The following GLG1 variants were observed in gnomAD, a reference collection of about 807,000 sequenced individuals.
GLG1 encodes Golgi apparatus protein 1.
In GLG1, 38 loss-of-function variants were observed where a neutral mutation model predicts 160.5. That is an observed-to-expected ratio of 0.24 (90% CI 0.18 to 0.31). GLG1 has a LOEUF of 0.31. Ranked by LOEUF, GLG1 falls within the 10% of genes least tolerant of loss-of-function variation. The pLI is 1.00. For missense variants in GLG1, 1,373 were observed against 1,505.2 expected, an observed-to-expected ratio of 0.91 and a Z score of 1.45; for synonymous variants, 644 against 543.4, an observed-to-expected ratio of 1.19 and a Z score of -2.57.
intron 2 of GLG1, among the ~76,000 whole-genome samples, chr16:74,522,211 A>G (rs2017186508): frequency 6.6e-6 from 1 of 152,258 alleles, no homozygotes; most frequent in Non-Finnish European, 1.5e-5. Context: ...CCTTTTACTC[A>G]TAGGGCTGTT....
chr16:74,541,161 T>C (rs995584264), intron 1 of GLG1, among the ~76,000 whole-genome samples: 10 of 151,894 alleles, frequency 6.6e-5, no homozygotes, highest in Admixed American at 2.6e-4. Context: ...CTGTCTCTAC[T>C]AAAAATACAA....
At chr16:74,567,902 TCCTGGCTTTCTTTTGGGGATTCAC>T (rs764734803) in intron 1 of GLG1, among the ~76,000 whole-genome samples, 46 of 152,200 alleles carry the variant, frequency 3.0e-4, no homozygotes, top group Non-Finnish European at 5.7e-4. Flanking sequence ...TTCTCTAGCC[TCCTGGCTTTCTTTTGGGGATTCAC>T]CCAACTCTGT....
chr16:74,584,415 T>C (rs1958001410), intron 1 of GLG1, among the ~76,000 whole-genome samples: 1 of 152,184 alleles, frequency 6.6e-6, no homozygotes, highest in Admixed American at 6.6e-5. Context: ...AGCAATACAT[T>C]TATAAACCAT....
At chr16:74,461,879 G>C (rs2014811313) in intron 22 of GLG1, 2 of 472,620 alleles carry the variant, frequency 4.2e-6, no homozygotes, top group Non-Finnish European at 7.5e-6. Context: ...TTGTTCAACA[G>C]AGAAATATGG....
intron 12 of GLG1, among the ~76,000 whole-genome samples, 177 bp from the exon 13 acceptor site, chr16:74,474,809 G>C (rs927925033): frequency 6.6e-6 from 1 of 152,068 alleles, no homozygotes; most frequent in African/African-American, 2.4e-5. Flanking sequence ...TGAGATTGTT[G>C]AAAAGATAAT....
At chr16:74,478,116 T>C (rs2015458544) in intron 11 of GLG1, among the ~76,000 whole-genome samples, 1 of 152,076 alleles carries the variant, frequency 6.6e-6, no homozygotes, top group South Asian at 2.1e-4. Context: ...TTTATGACAG[T>C]ATCCTGATAA....
intron 10 of GLG1, among the ~76,000 whole-genome samples, chr16:74,480,937 C>A (rs947445722): frequency 2.0e-5 from 3 of 152,158 alleles, no homozygotes; most frequent in Admixed American, 6.6e-5. Context: ...AGTTTGTTAA[C>A]CTTCTACAGA....
chr16:74,480,358 G>C lies in GLG1; in HGVS notation c.1710C>G (p.Asp570Glu), dbSNP rs138266921. Residue 570 changes from aspartate to glutamate, a missense_variant, in exon 11 of 26, where the codon GAC becomes GAG. Asp to Glu is a conservative substitution (Grantham distance 45). This residue lies in a region of GLG1 where 386 missense variants were observed against 388.5 expected (regional missense o/e 0.99). Coordinates refer to ENST00000422840, the MANE Select transcript of GLG1 (RefSeq NM_001145667.2). Reference protein sequence around the residue: ...DPVLYRKCQGDASRLCHTHGW... With the variant: ...DPVLYRKCQGEASRLCHTHGW... Reference sequence around the variant, plus strand: ...CGTGGGTGTGGCAAAGACGAGAAGCGTCTCCCTGGCACTTGCGGTACAGGA... The same window carrying C: ...CGTGGGTGTGGCAAAGACGAGAAGCCTCTCCCTGGCACTTGCGGTACAGGA... The C allele has an allele frequency of 1.2e-6, 2 of 1,613,476 alleles. No individual in the cohort carries two copies. Among genetic ancestry groups the C allele is most frequent in the Non-Finnish European group, 1.7e-6 (2 of 1,179,440 alleles).
chr16:74,587,418 C>A (rs1958078757), intron 1 of GLG1, among the ~76,000 whole-genome samples: 2 of 152,168 alleles, frequency 1.3e-5, no homozygotes, highest in South Asian at 4.1e-4. Context: ...GAGTTCTGTA[C>A]TGAGAATGGT....
At chr16:74,486,601 T>G (rs1183590011) in intron 8 of GLG1, among the ~76,000 whole-genome samples, 1 of 152,212 alleles carries the variant, frequency 6.6e-6, no homozygotes, top group South Asian at 2.1e-4. Context: ...CATCTTGTCA[T>G]GGAACAAAGG....
At chr16:74,568,171 G>A (rs1758645009) in intron 1 of GLG1, among the ~76,000 whole-genome samples, 1 of 152,250 alleles carries the variant, frequency 6.6e-6, no homozygotes, top group Non-Finnish European at 1.5e-5. Context: ...CCCAGAAGCA[G>A]ATGGTAAGAG....
intron 1 of GLG1, among the ~76,000 whole-genome samples, chr16:74,599,795 T>G (rs561695853): frequency 2.0e-5 from 3 of 149,584 alleles, no homozygotes; most frequent in African/African-American, 7.4e-5. Flanking sequence ...ACCCGGGAGG[T>G]AGAGCTTGCA....
chr16:74,551,171 G>C (rs1295953103), intron 1 of GLG1, among the ~76,000 whole-genome samples: 1 of 152,108 alleles, frequency 6.6e-6, no homozygotes, highest in Non-Finnish European at 1.5e-5. Flanking sequence ...AGCCTTTCCC[G>C]TAAGTCTGCT....
intron 1 of GLG1, among the ~76,000 whole-genome samples, chr16:74,600,029 G>A (rs1033065358): frequency 1.3e-5 from 2 of 151,314 alleles, no homozygotes; most frequent in African/African-American, 2.4e-5. Flanking sequence ...GCGAGACTCC[G>A]TCTTAACCAA....
At chr16:74,603,651 A>T (rs1387880030) in intron 1 of GLG1, among the ~76,000 whole-genome samples, 1 of 152,088 alleles carries the variant, frequency 6.6e-6, no homozygotes, top group East Asian at 1.9e-4. Context: ...GAAAAAAAAA[A>T]AGTGCTACTG....
intron 11 of GLG1, 58 bp from the exon 12 acceptor site, chr16:74,477,591 T>TA: frequency 7.3e-7 from 1 of 1,377,374 alleles, no homozygotes; most frequent in Non-Finnish European, 1.0e-6. Context: ...AACACAAAGA[T>TA]ATGAGATAAA....
intron 1 of GLG1, among the ~76,000 whole-genome samples, chr16:74,560,061 G>T (rs1170322491): frequency 1.3e-5 from 2 of 152,084 alleles, no homozygotes; most frequent in Non-Finnish European, 1.5e-5. Context: ...GAGGATGATG[G>T]TTAATTTTTT....
In GLG1 at chr16:74,463,493, G is replaced by C. The variant is rs2014881065; in HGVS notation, c.2668-14C>G. The C allele has an allele frequency of 6.2e-7, 1 of 1,613,070 alleles. No homozygotes were observed. The highest frequency in any genetic ancestry group is 1.1e-5 in the South Asian group (1 of 90,952). Reference sequence around the variant, plus strand: ...CGGACAGAACCTCTGCAAAGAAACAGTTTGATAAAAACAGCTATCTAAACA... The same window carrying C: ...CGGACAGAACCTCTGCAAAGAAACACTTTGATAAAAACAGCTATCTAAACA... On this transcript the variant is annotated splice_polypyrimidine_tract_variant and intron_variant, in intron 19 of 25. Coordinates refer to ENST00000422840, the MANE Select transcript of GLG1 (RefSeq NM_001145667.2).
intron 2 of GLG1, among the ~76,000 whole-genome samples, chr16:74,515,465 T>C (rs1162758685): frequency 6.6e-6 from 1 of 152,072 alleles, no homozygotes; most frequent in Admixed American, 6.6e-5. Flanking sequence ...CACAGTGCAA[T>C]CAAAGTAGAA....
Sources: gnomAD v4.1 joint callset for allele counts (sites outside exome capture counted in the v4.1 genomes callset) on GRCh38, gnomAD v4.1.1 for gene constraint, gnomAD v4.1.1 regional missense constraint, MANE v1.5 for transcripts, NCBI Gene and HGNC (gene_info 2026-07-23, HGNC 2026-07-21) for gene names.